LMX1A: variants seen among roughly 807,000 people sequenced by gnomAD.
The protein encoded by LMX1A is LIM homeobox transcription factor 1 alpha.
LMX1A carries 15 observed loss-of-function variants against 49.1 expected under a neutral mutation model. The ratio of observed to expected loss-of-function variants is 0.31; its 90% confidence interval spans 0.20 to 0.47. The LOEUF (loss-of-function observed/expected upper bound fraction) is 0.47, where lower values mean the gene tolerates loss of function less well. LMX1A is among the 20% of genes least tolerant of loss of function. The pLI, the probability that LMX1A is intolerant of heterozygous loss-of-function variation, is 1.00. For missense variants in LMX1A, 372 were observed against 475.8 expected (o/e 0.78, Z 2.03); for synonymous variants, 167 against 185.7 (o/e 0.90, Z 0.82).
chr1:165,275,370 C>G (rs914693811), intron 3 of LMX1A, among the ~76,000 whole-genome samples: 3 of 152,238 alleles, frequency 2.0e-5, no homozygotes, highest in Non-Finnish European at 4.4e-5. Context: ...AAGCAGCAGT[C>G]TGGGCTTTGT....
At chr1:165,317,011 C>G (rs1234506526) in intron 3 of LMX1A, among the ~76,000 whole-genome samples, 2 of 152,218 alleles carry the variant, frequency 1.3e-5, no homozygotes, top group Non-Finnish European at 2.9e-5. Flanking sequence ...ATTTACGGAA[C>G]TGATACTTGT....
At chr1:165,275,201 C>T (rs1278905214) in intron 3 of LMX1A, among the ~76,000 whole-genome samples, 2 of 152,210 alleles carry the variant, frequency 1.3e-5, no homozygotes, top group Admixed American at 6.5e-5. Flanking sequence ...GAACTCAACT[C>T]TTCCCAATTT....
intron 3 of LMX1A, among the ~76,000 whole-genome samples, chr1:165,342,456 A>G (rs1656104274): frequency 6.6e-6 from 1 of 152,058 alleles, no homozygotes; most frequent in Non-Finnish European, 1.5e-5. Flanking sequence ...TGGGAGCTGG[A>G]GAGAAAGAAA....
chr1:165,242,427 G>A lies in LMX1A; in HGVS notation c.496+6981C>T, dbSNP rs1472685685. ...TAGGCATAATCTAAAATGCAAACTG[G>A]TCTTCAGGAAGAAAAAATTTTAAAT... On this transcript the variant is annotated intron_variant, in intron 4 of 8. Coordinates refer to ENST00000342310, the MANE Select transcript of LMX1A (RefSeq NM_177398.4). 4.7e-5 allele frequency among the ~76,000 whole-genome samples: 7 copies of A among 148,726 alleles called. No individual in the cohort carries two copies. In the South Asian group the frequency reaches 1.1e-3, roughly 23 times the overall value.
At chr1:165,303,569 C>T (rs941012577) in intron 3 of LMX1A, among the ~76,000 whole-genome samples, 2 of 152,336 alleles carry the variant, frequency 1.3e-5, no homozygotes, top group African/African-American at 2.4e-5. Context: ...GTGCTGGTCA[C>T]GGACTTGGCT....
At chr1:165,340,088 C>T (rs73019153) in intron 3 of LMX1A, among the ~76,000 whole-genome samples, 19 of 152,212 alleles carry the variant, frequency 1.2e-4, no homozygotes, top group African/African-American at 4.3e-4. Context: ...GTCCTGTACC[C>T]TCTATGCCTC....
chr1:165,347,370 G>A (rs1656283285), intron 3 of LMX1A, among the ~76,000 whole-genome samples: 1 of 152,180 alleles, frequency 6.6e-6, no homozygotes, highest in South Asian at 2.1e-4. Context: ...TTCCTAAGAG[G>A]AAGCCTCAGG....
intron 3 of LMX1A, among the ~76,000 whole-genome samples, chr1:165,341,544 C>T (rs1200651140): frequency 6.6e-6 from 1 of 151,338 alleles, no homozygotes; most frequent in Non-Finnish European, 1.5e-5. Flanking sequence ...AAGTGTCTTC[C>T]TTCATAGAGC....
intron 3 of LMX1A, among the ~76,000 whole-genome samples, chr1:165,325,666 C>T (rs917153480): frequency 1.3e-5 from 2 of 151,908 alleles, no homozygotes; most frequent in African/African-American, 4.8e-5. Flanking sequence ...TATCACCGTG[C>T]CTCCCCCCTC....
At chr1:165,353,349 A>C in intron 2 of LMX1A, 87 bp from the exon 3 acceptor site, 1 of 1,049,486 alleles carries the variant, frequency 9.5e-7, no homozygotes, top group Non-Finnish European at 1.4e-6. Flanking sequence ...TGATCCCTTC[A>C]CATCCACGGA....
intron 3 of LMX1A, among the ~76,000 whole-genome samples, chr1:165,268,611 T>C (rs1653696360): frequency 6.6e-6 from 1 of 152,240 alleles, no homozygotes; most frequent in South Asian, 2.1e-4. Context: ...AGCTATGATA[T>C]AGCAGAAAGA....
In LMX1A at chr1:165,203,354, T is replaced by C. The variant is rs1251133897; in HGVS notation, c.*526A>G. The C allele has an allele frequency of 1.3e-5, 2 of 152,866 alleles. No homozygotes were observed. Among genetic ancestry groups the C allele is most frequent in the East Asian group, 3.9e-4 (2 of 5,192 alleles). 9.5% of individuals were successfully genotyped at this position (152,866 alleles called of 1,614,324 possible). ...AAATTATCTCATTTTATAACTTAAG[T>C]GCATCAAGCATTTCCTTAAATATAG... On this transcript the variant is annotated 3_prime_UTR_variant, in exon 9 of 9. Transcript: ENST00000342310.
chr1:165,266,601 T>C (rs1653627546), intron 3 of LMX1A, among the ~76,000 whole-genome samples: 1 of 131,590 alleles, frequency 7.6e-6, no homozygotes, highest in African/African-American at 2.8e-5. Context: ...CTTTCTTTTT[T>C]TTTTTTTTTT....
chr1:165,340,186 T>C (rs1656030029), intron 3 of LMX1A, among the ~76,000 whole-genome samples: 1 of 152,108 alleles, frequency 6.6e-6, no homozygotes, highest in South Asian at 2.1e-4. Flanking sequence ...CATTGCAGCC[T>C]CAAACTCCTG....
At chr1:165,297,637 G>A (rs1654652916) in intron 3 of LMX1A, among the ~76,000 whole-genome samples, 1 of 152,162 alleles carries the variant, frequency 6.6e-6, no homozygotes, top group South Asian at 2.1e-4. Flanking sequence ...GAAATAGAAA[G>A]GGGTTCCCAA....
chr1:165,214,405 T>A (rs571139258), intron 4 of LMX1A, among the ~76,000 whole-genome samples: 1 of 152,356 alleles, frequency 6.6e-6, no homozygotes, highest in East Asian at 1.9e-4. Flanking sequence ...CAGTCTCCGG[T>A]ATGTCTTTAT....
intron 3 of LMX1A, among the ~76,000 whole-genome samples, chr1:165,296,581 C>T (rs1208436841): frequency 1.3e-5 from 2 of 152,242 alleles, no homozygotes; most frequent in Non-Finnish European, 2.9e-5. Flanking sequence ...TGCTCCTTCC[C>T]CTTGCTCCCT....
chr1:165,292,018 C>T (rs1164598229), intron 3 of LMX1A, among the ~76,000 whole-genome samples: 2 of 144,692 alleles, frequency 1.4e-5, no homozygotes, highest in East Asian at 4.1e-4. Context: ...GTCGAGATCG[C>T]GCCACTGCAC....
At chr1:165,309,042 A>T (rs553763148) in intron 3 of LMX1A, among the ~76,000 whole-genome samples, 39 of 152,124 alleles carry the variant, frequency 2.6e-4, no homozygotes, top group African/African-American at 9.2e-4. Context: ...AGAGATGCTT[A>T]TGGAAAACCT....
Sources: allele counts gnomAD v4.1 joint callset (sites outside exome capture counted in the v4.1 genomes callset), GRCh38; gene constraint gnomAD v4.1.1; transcripts MANE v1.5; gene names NCBI Gene and HGNC (gene_info 2026-07-23, HGNC 2026-07-21).